The following PPP2R2C variants were observed in gnomAD, a reference collection of about 807,000 sequenced individuals.
The protein encoded by PPP2R2C is protein phosphatase 2, regulatory subunit B, gamma.
Under a neutral mutation model 45.3 loss-of-function variants are expected in PPP2R2C, and 10 were observed. The ratio of observed to expected loss-of-function variants is 0.22; its 90% CI spans 0.14 to 0.37. The LOEUF (loss-of-function observed/expected upper bound fraction) is 0.37, where lower values mean the gene tolerates loss of function less well. PPP2R2C is among the 10% of genes least tolerant of loss of function. The pLI is 1.00. For synonymous variants in PPP2R2C, 257 were observed against 245.4 expected (o/e 1.05, Z -0.44); for missense variants, 308 against 619.7 (o/e 0.50, Z 5.34).
intron 1 of PPP2R2C, among the ~76,000 whole-genome samples, chr4:6,445,240 A>C (rs928805259): frequency 2.6e-5 from 4 of 152,092 alleles, no homozygotes; most frequent in Admixed American, 2.0e-4. Flanking sequence ...AACTTTTTCA[A>C]GGTCATTCCT....
chr4:6,357,895 T>C (rs984945206), intron 5 of PPP2R2C, among the ~76,000 whole-genome samples: 3 of 152,146 alleles, frequency 2.0e-5, no homozygotes, highest in African/African-American at 4.8e-5. Context: ...GCCTCCCGTA[T>C]AGTCCTCGGG....
chr4:6,393,262 C>T (rs761469763), intron 1 of PPP2R2C, among the ~76,000 whole-genome samples: 1 of 152,140 alleles, frequency 6.6e-6, no homozygotes, highest in Admixed American at 6.5e-5. Context: ...CCCCAGCCCC[C>T]GGAAATCACT....
At chr4:6,464,696 T>C (rs977382411) in intron 1 of PPP2R2C, among the ~76,000 whole-genome samples, 6 of 152,198 alleles carry the variant, frequency 3.9e-5, no homozygotes, top group Non-Finnish European at 8.8e-5. Context: ...TGGAGAATAA[T>C]CTGCCAATGT....
At chr4:6,420,862 CA>C (rs1718915096) in intron 1 of PPP2R2C, 1 of 886,206 alleles carries the variant, frequency 1.1e-6, no homozygotes, top group African/African-American at 1.8e-5. Context: ...TGTGCTGGCA[CA>C]CACACTTGTT....
intron 1 of PPP2R2C, among the ~76,000 whole-genome samples, chr4:6,396,811 C>T (rs529310695): frequency 1.3e-5 from 2 of 152,370 alleles, no homozygotes; most frequent in South Asian, 2.1e-4. Flanking sequence ...TGATTTGCGG[C>T]ATTTGCCAAG....
upstream of PPP2R2C, among the ~76,000 whole-genome samples, chr4:6,476,472 CCTCT>C (rs1001556073): frequency 6.6e-6 from 1 of 152,162 alleles, no homozygotes; most frequent in African/African-American, 2.4e-5. Context: ...TGTCCCTCTC[CCTCT>C]CTCTCTGTCA....
At chr4:6,460,657 T>G (rs779621377) in intron 1 of PPP2R2C, among the ~76,000 whole-genome samples, 1 of 152,230 alleles carries the variant, frequency 6.6e-6, no homozygotes, top group Non-Finnish European at 1.5e-5. Flanking sequence ...TATACCTAGA[T>G]AGTATGTATA....
chr4:6,534,979 C>T (rs1003275196), intron 2 of PPP2R2C, among the ~76,000 whole-genome samples: 3 of 152,248 alleles, frequency 2.0e-5, no homozygotes, highest in Non-Finnish European at 2.9e-5. Context: ...CCCCAGCTGC[C>T]TGACAAAGTG....
At chr4:6,418,490 C>A (rs137915666) in intron 1 of PPP2R2C, among the ~76,000 whole-genome samples, 1 of 152,368 alleles carries the variant, frequency 6.6e-6, no homozygotes, top group African/African-American at 2.4e-5. Flanking sequence ...ACATCCTCCT[C>A]CTCTTCTCTA....
At chr4:6,549,701 C>T (rs908219681) in intron 1 of PPP2R2C, among the ~76,000 whole-genome samples, 5 of 152,174 alleles carry the variant, frequency 3.3e-5, no homozygotes, top group African/African-American at 9.7e-5. Flanking sequence ...GGGAGGATAA[C>T]GGGAGGCACC....
intron 1 of PPP2R2C, among the ~76,000 whole-genome samples, chr4:6,451,123 G>A (rs924271504): frequency 5.3e-5 from 8 of 152,130 alleles, no homozygotes; most frequent in South Asian, 4.1e-4. Flanking sequence ...TCTTCCACCC[G>A]ACACGGTACC....
At chr4:6,342,143 T>C (rs1475233096) in intron 6 of PPP2R2C, among the ~76,000 whole-genome samples, 1 of 149,754 alleles carries the variant, frequency 6.7e-6, no homozygotes, top group African/African-American at 2.5e-5. Context: ...TATATATACA[T>C]ACATATATAT....
rs542716072 is a variant in PPP2R2C at position 6,388,593 on chromosome 4, G to A, written c.71-7499C>T. Among the ~76,000 whole-genome samples the A allele has an allele frequency of 2.0e-5, 3 of 152,262 alleles. No homozygotes were observed. The South Asian group carries it at 6.2e-4, about 32-fold the overall frequency. On this transcript the variant is annotated intron_variant, in intron 1 of 8. Transcript: ENST00000382599. ...CCATGGGGAGACAGAGGCAGAGGCT[G>A]AAGGGAGGCATCAAGAATGAAGGGC...
chr4:6,525,368 G>A (rs1724164932), intron 2 of PPP2R2C, among the ~76,000 whole-genome samples: 1 of 152,100 alleles, frequency 6.6e-6, no homozygotes, highest in African/African-American at 2.4e-5. Context: ...TTGTGCCGCT[G>A]CACTCCAGCC....
At chr4:6,542,499 G>C (rs1259186565) in intron 1 of PPP2R2C, among the ~76,000 whole-genome samples, 1 of 152,116 alleles carries the variant, frequency 6.6e-6, no homozygotes, top group Non-Finnish European at 1.5e-5. Flanking sequence ...TTCAAGACCA[G>C]CCTGGCCAAC....
chr4:6,347,563 G>C (rs1712105639), intron 6 of PPP2R2C, among the ~76,000 whole-genome samples: 1 of 152,084 alleles, frequency 6.6e-6, no homozygotes, highest in Admixed American at 6.5e-5. Context: ...ATTTAAGTTT[G>C]GTGCCTCCTT....
At chr4:6,458,645 G>T (rs754749500) in intron 1 of PPP2R2C, among the ~76,000 whole-genome samples, 1 of 152,218 alleles carries the variant, frequency 6.6e-6, no homozygotes, top group Non-Finnish European at 1.5e-5. Flanking sequence ...ATGCTTTGCT[G>T]TCTGTGCATG....
At chr4:6,333,799 A>G (rs2109176291) in intron 6 of PPP2R2C, 68 bp from the exon 7 acceptor site, 1 of 1,562,470 alleles carries the variant, frequency 6.4e-7, no homozygotes, top group Non-Finnish European at 8.8e-7. Flanking sequence ...ACGACGGATG[A>G]CTCTGTTTTG....
intron 1 of PPP2R2C, among the ~76,000 whole-genome samples, chr4:6,443,729 C>A (rs1419536792): frequency 6.6e-6 from 1 of 152,182 alleles, no homozygotes; most frequent in Non-Finnish European, 1.5e-5. Flanking sequence ...TGCTGAGGCT[C>A]TGAAAGATGC....
Sources: allele counts gnomAD v4.1 joint callset (sites outside exome capture counted in the v4.1 genomes callset), GRCh38; gene constraint gnomAD v4.1.1; transcripts MANE v1.5; gene names NCBI Gene and HGNC (gene_info 2026-07-23, HGNC 2026-07-21).